The following NTM variants were observed in gnomAD, a reference collection of about 807,000 sequenced individuals.
NTM encodes the protein neurotrimin.
A neutral mutation model predicts 42.1 loss-of-function variants in NTM; 13 were observed. The ratio of observed to expected loss-of-function variants is 0.31; its 90% confidence interval spans 0.20 to 0.49. The LOEUF is 0.49. Ranked by LOEUF, NTM falls within the 20% of genes least tolerant of loss-of-function variation. NTM has a pLI of 0.99. For synonymous variants in NTM, 187 were observed against 179.2 expected (o/e 1.04, Z -0.35); for missense variants, 373 against 452.8 (o/e 0.82, Z 1.60).
At chr11:131,733,919 T>C (rs2080071720) in intron 1 of NTM, among the ~76,000 whole-genome samples, 1 of 152,240 alleles carries the variant, frequency 6.6e-6, no homozygotes, top group South Asian at 2.1e-4. Context: ...TTGTTGATCA[T>C]TAAGATAATT....
At chr11:131,933,214 C>T (rs1412884771) in intron 2 of NTM, among the ~76,000 whole-genome samples, 1 of 152,194 alleles carries the variant, frequency 6.6e-6, no homozygotes, top group Admixed American at 6.5e-5. Context: ...GGCTCCTGGT[C>T]CTGGGACTGT....
chr11:132,239,208 A>G (rs906673096), intron 4 of NTM, among the ~76,000 whole-genome samples: 1 of 152,248 alleles, frequency 6.6e-6, no homozygotes, highest in African/African-American at 2.4e-5. Context: ...CAATTGAGAA[A>G]GAATCGAAAG....
At position 132,146,957 on chromosome 11, in the gene NTM, C is replaced by T. The variant is rs1209449047; in HGVS notation, c.400+443C>T. 1 of 179,438 alleles carries T rather than the reference C, an allele frequency of 5.6e-6. No individual in the cohort carries two copies. The highest frequency in any genetic ancestry group is 2.4e-5 in the African/African-American group (1 of 41,644). 11.1% of individuals were successfully genotyped at this position (179,438 alleles called of 1,614,324 possible). A position where few individuals can be genotyped will look rare whatever the true frequency, so the allele number is the denominator to read the frequency against. On this transcript the variant is annotated intron_variant, in intron 3 of 8. Coordinates refer to ENST00000683400, the MANE Select transcript of NTM (RefSeq NM_001352005.2). This position sits in a 1 kb window ranked among gnomAD's most constrained non-coding sequence, Gnocchi z 4.5. The stretch of plus-strand genomic sequence containing the variant: ...CCTCCAGCCTTGAACGAAAGCAGAG[C>T]CAACCAGGATGCACTGGGCACTGCC...
At chr11:131,943,211 G>A (rs188334939) in intron 2 of NTM, among the ~76,000 whole-genome samples, 114 of 152,254 alleles carry the variant, frequency 7.5e-4, no homozygotes, top group Non-Finnish European at 1.3e-3. Flanking sequence ...TGTGCTTGCA[G>A]AGGCCGCATC....
chr11:131,607,992 G>A (rs1399109584), intron 1 of NTM, among the ~76,000 whole-genome samples: 1 of 152,068 alleles, frequency 6.6e-6, no homozygotes, highest in East Asian at 1.9e-4. Flanking sequence ...CCATGTTGGT[G>A]TGCTGCACCC....
At chr11:132,113,828 G>C (rs2063539229) in intron 2 of NTM, among the ~76,000 whole-genome samples, 1 of 152,196 alleles carries the variant, frequency 6.6e-6, no homozygotes, top group African/African-American at 2.4e-5. Context: ...GAGGACTAGA[G>C]AGACAAAGGG....
chr11:132,328,547 C>T (rs1051219609), intron 7 of NTM, among the ~76,000 whole-genome samples: 2 of 152,078 alleles, frequency 1.3e-5, no homozygotes, highest in African/African-American at 2.4e-5. Flanking sequence ...GCTTTCAATG[C>T]ATTCTTCTTT....
intron 2 of NTM, among the ~76,000 whole-genome samples, chr11:132,026,157 A>G (rs2075145624): frequency 6.6e-6 from 1 of 152,248 alleles, no homozygotes; most frequent in South Asian, 2.1e-4. Flanking sequence ...TTTTGCAGAT[A>G]TAAAAGTGCT....
chr11:131,514,648 C>T (rs550764274), intron 1 of NTM, among the ~76,000 whole-genome samples: 6 of 151,788 alleles, frequency 4.0e-5, no homozygotes, highest in South Asian at 2.1e-4. Flanking sequence ...GACACAATTT[C>T]GGGTCACTGC....
At chr11:131,607,957 G>A (rs2061127510) in intron 1 of NTM, among the ~76,000 whole-genome samples, 1 of 151,916 alleles carries the variant, frequency 6.6e-6, no homozygotes, top group African/African-American at 2.4e-5. Flanking sequence ...ACAACGTGCA[G>A]GTTTGTTACA....
Position 132,146,427 on chromosome 11 carries a change from G to A in NTM, c.313G>A (p.Val105Met), listed in dbSNP as rs1322985688. Reference protein sequence around the residue: ...QTQYSIEIQNVDVYDEGPYTC... With the variant: ...QTQYSIEIQNMDVYDEGPYTC... The stretch of plus-strand genomic sequence containing the variant: ...GCAGTACAGCATCGAGATCCAGAAC[G>A]TGGATGTGTATGACGAGGGCCCTTA... The change falls in exon 3 of 9, where the codon GTG becomes ATG. Residue 105 changes from valine to methionine, a missense_variant. By Grantham distance (21) the Val-to-Met change is conservative. Coordinates refer to ENST00000683400, the MANE Select transcript of NTM (RefSeq NM_001352005.2). This position sits in a 1 kb window ranked among gnomAD's most constrained non-coding sequence, Gnocchi z 4.5. 1.9e-6 allele frequency: 3 copies of A among 1,614,210 alleles called. No individual in the cohort carries two copies. Among genetic ancestry groups the A allele is most frequent in the Non-Finnish European group, 2.5e-6 (3 of 1,180,028 alleles).
intron 1 of NTM, among the ~76,000 whole-genome samples, chr11:131,889,811 C>A (rs888157771): frequency 6.6e-6 from 1 of 152,120 alleles, no homozygotes; most frequent in Non-Finnish European, 1.5e-5. Context: ...AGCACTGTAG[C>A]GCCCCTCTTT....
At chr11:132,216,152 T>A (rs994652018) in intron 4 of NTM, among the ~76,000 whole-genome samples, 3 of 152,246 alleles carry the variant, frequency 2.0e-5, no homozygotes, top group African/African-American at 7.2e-5. Context: ...GTTCATGCTG[T>A]CTGGTTCTCC....
chr11:132,101,390 T>C (rs1287828407), intron 2 of NTM, among the ~76,000 whole-genome samples: 1 of 152,144 alleles, frequency 6.6e-6, no homozygotes. Flanking sequence ...GACCTTCAGC[T>C]CCTCAATACG....
chr11:131,961,254 G>T (rs1312765756), intron 2 of NTM, among the ~76,000 whole-genome samples: 1 of 152,188 alleles, frequency 6.6e-6, no homozygotes, highest in African/African-American at 2.4e-5. Context: ...TGCAGGAAAT[G>T]GCAGGAAAGA....
intron 4 of NTM, among the ~76,000 whole-genome samples, chr11:132,287,865 G>T (rs935568390): frequency 1.3e-5 from 2 of 152,158 alleles, no homozygotes; most frequent in African/African-American, 4.8e-5. Flanking sequence ...TGAAAAGCAG[G>T]AAAAACATAG....
intron 2 of NTM, among the ~76,000 whole-genome samples, chr11:132,125,226 C>G (rs2065477177): frequency 6.6e-6 from 1 of 151,826 alleles, no homozygotes; most frequent in African/African-American, 2.4e-5. Flanking sequence ...GTGAATTAGA[C>G]TAAGTCAAAC....
At chr11:132,303,220 C>A (rs189576012) in intron 4 of NTM, among the ~76,000 whole-genome samples, 1 of 152,206 alleles carries the variant, frequency 6.6e-6, no homozygotes, top group African/African-American at 2.4e-5. Context: ...GCACAAAAAA[C>A]TGGGTGCTTT....
At chr11:132,200,571 T>C (rs2081003331) in intron 3 of NTM, among the ~76,000 whole-genome samples, 1 of 152,204 alleles carries the variant, frequency 6.6e-6, no homozygotes, top group African/African-American at 2.4e-5. Context: ...TAGCTTGTGT[T>C]TGAGTGCATA....
Sources: allele counts gnomAD v4.1 joint callset (sites outside exome capture counted in the v4.1 genomes callset), GRCh38; gene constraint gnomAD v4.1.1; non-coding constraint Gnocchi (gnomAD v3.1); transcripts MANE v1.5; gene names NCBI Gene and HGNC (gene_info 2026-07-23, HGNC 2026-07-21).